The following ABHD2 variants were observed in gnomAD, a reference collection of about 807,000 sequenced individuals.
ABHD2 encodes monoacylglycerol lipase ABHD2.
A neutral mutation model predicts 48.1 loss-of-function variants in ABHD2; 20 were observed. The observed-to-expected ratio is 0.42, with a 90% CI of 0.29 to 0.60. ABHD2 has a LOEUF of 0.60. ABHD2 is among the 20% of genes least tolerant of loss of function. The pLI is 0.24. For missense variants in ABHD2, 405 were observed against 550.9 expected (o/e 0.74, Z 2.65); for synonymous variants, 209 against 214.2 (o/e 0.98, Z 0.21).
At position 89,094,936 on chromosome 15, in the gene ABHD2, C is replaced by T. The variant is rs1322873110; in HGVS notation, c.-107+6373C>T. 1.3e-5 allele frequency among the ~76,000 whole-genome samples: 2 copies of T among 151,472 alleles called. No individual in the cohort carries two copies. The highest frequency in any genetic ancestry group is 4.9e-5 in the African/African-American group (2 of 41,180). On this transcript the variant is annotated intron_variant, in intron 1 of 10. Transcript: ENST00000352732. The surrounding 1 kb of genome is among the most constrained non-coding windows in gnomAD (Gnocchi z 4.7). ...AATATTAGCCGGGCATGGTGGTTCA[C>T]ACTCAGAATCCCAGCTACTCGGGAA... is the stretch of plus-strand genomic sequence containing the variant.
the ABHD2 span, among the ~76,000 whole-genome samples, chr15:89,079,732 T>G: frequency 2.0e-5 from 3 of 152,250 alleles, no homozygotes; most frequent in Admixed American, 2.0e-4. This position sits in a 1 kb window ranked among gnomAD's most constrained non-coding sequence, Gnocchi z 4.3. Flanking sequence ...TAAGTCTCAG[T>G]AAGAACAGTG....
intron 10 of ABHD2, among the ~76,000 whole-genome samples, chr15:89,194,923 G>C (rs2051371330): frequency 6.6e-6 from 1 of 152,152 alleles, no homozygotes; most frequent in African/African-American, 2.4e-5. Flanking sequence ...TGGGGTTAAG[G>C]AGCTTTAAGA....
Position 89,093,108 on chromosome 15 carries a change from GCT to G in ABHD2, c.-107+4550_-107+4551del, listed in dbSNP as rs1901661268. Among the ~76,000 whole-genome samples the G allele has an allele frequency of 2.0e-5, 3 of 150,696 alleles. No individual in the cohort carries two copies. The South Asian group carries it at 6.3e-4, about 32-fold the overall frequency. ...CATTTCCAGGGAAAGTTTGCCGTTT[GCT>G]CTCTGTTCTCCAGAGAAGCTTCCTG... On this transcript the variant is annotated intron_variant, in intron 1 of 10. Coordinates refer to ENST00000352732, the MANE Select transcript of ABHD2 (RefSeq NM_152924.5).
intron 3 of ABHD2, among the ~76,000 whole-genome samples, chr15:89,119,459 G>A (rs1596081019): frequency 6.6e-6 from 1 of 152,116 alleles, no homozygotes; most frequent in East Asian, 1.9e-4. Context: ...ACTCTCTTTT[G>A]TCCGCGTTAC....
intron 2 of ABHD2, 60 bp downstream of exon 2, chr15:89,113,884 A>G (rs897687568): frequency 2.6e-5 from 4 of 152,186 alleles, no homozygotes; most frequent in Non-Finnish European, 2.9e-5. Flanking sequence ...GAAGCAGTGA[A>G]TAGAAGTGGG....
At chr15:89,049,912 C>T in the ABHD2 span, among the ~76,000 whole-genome samples, 4 of 152,016 alleles carry the variant, frequency 2.6e-5, no homozygotes, top group African/African-American at 7.3e-5. Flanking sequence ...CTTGGCTCCT[C>T]CCCCGTATTT....
chr15:89,069,587 T>G, the ABHD2 span, among the ~76,000 whole-genome samples: 2 of 151,872 alleles, frequency 1.3e-5, no homozygotes, highest in East Asian at 3.9e-4. Flanking sequence ...TTTTCCTAAA[T>G]AATATATTGT....
At chr15:89,161,192 A>C (rs977377302) in intron 5 of ABHD2, among the ~76,000 whole-genome samples, 9 of 151,840 alleles carry the variant, frequency 5.9e-5, no homozygotes, top group African/African-American at 1.7e-4. Flanking sequence ...TACAGGTTTT[A>C]CTCCTTGTTC....
At chr15:89,065,319 C>T in the ABHD2 span, among the ~76,000 whole-genome samples, 1 of 152,202 alleles carries the variant, frequency 6.6e-6, no homozygotes, top group Non-Finnish European at 1.5e-5. Flanking sequence ...GTCCATAGCA[C>T]ATTTTCCAGA....
rs2050658930 is a variant in ABHD2 at position 89,155,550 on chromosome 15, T to C, written c.538+16T>C. ...TTCACCTATGGTAAGCATGGCTAAGTGGAGTCCTCCCTTTTTCTGCAAGTG... is the reference window on the plus strand; with the variant it reads ...TTCACCTATGGTAAGCATGGCTAAGCGGAGTCCTCCCTTTTTCTGCAAGTG... On this transcript the variant is annotated intron_variant, in intron 5 of 10. Coordinates refer to ENST00000352732, the MANE Select transcript of ABHD2 (RefSeq NM_152924.5). This position sits in a 1 kb window ranked among gnomAD's most constrained non-coding sequence, Gnocchi z 4.9. 6.3e-7 allele frequency: 1 copy of C among 1,598,636 alleles called. No homozygotes were observed. The highest frequency in any genetic ancestry group is 8.6e-7 in the Non-Finnish European group (1 of 1,168,886).
chr15:89,098,394 T>C (rs1054153766), intron 1 of ABHD2, among the ~76,000 whole-genome samples: 2 of 152,130 alleles, frequency 1.3e-5, no homozygotes, highest in Non-Finnish European at 1.5e-5. Context: ...TTGAGCTCTT[T>C]CCCTGCTGGA....
At chr15:89,160,529 T>C (rs1479208550) in intron 5 of ABHD2, among the ~76,000 whole-genome samples, 2 of 152,120 alleles carry the variant, frequency 1.3e-5, no homozygotes, top group Non-Finnish European at 2.9e-5. Context: ...ACCAAAGAAT[T>C]ATTGTGTCCA....
the ABHD2 span, among the ~76,000 whole-genome samples, chr15:89,061,701 T>C: frequency 6.6e-6 from 1 of 152,002 alleles, no homozygotes; most frequent in Non-Finnish European, 1.5e-5. Flanking sequence ...GCCTCTCCAG[T>C]AGCTGGGACT....
the ABHD2 span, among the ~76,000 whole-genome samples, chr15:89,043,935 G>A: frequency 6.7e-6 from 1 of 150,158 alleles, no homozygotes; most frequent in African/African-American, 2.5e-5. Flanking sequence ...TAAGTTTTAG[G>A]GTACATGTGC....
chr15:89,057,054 CAGG>C, the ABHD2 span, among the ~76,000 whole-genome samples: 1 of 151,876 alleles, frequency 6.6e-6, no homozygotes, highest in Non-Finnish European at 1.5e-5. Flanking sequence ...GCTGGGATTA[CAGG>C]CACACGCCAC....
At chr15:89,089,095 G>C (rs2150764056) in intron 1 of ABHD2, among the ~76,000 whole-genome samples, 1 of 152,376 alleles carries the variant, frequency 6.6e-6, no homozygotes, top group Admixed American at 6.5e-5. Flanking sequence ...CCCCGCGACC[G>C]GCACTGTTCT....
At chr15:89,074,548 A>G in the ABHD2 span, among the ~76,000 whole-genome samples, 1 of 152,190 alleles carries the variant, frequency 6.6e-6, no homozygotes, top group Admixed American at 6.5e-5. Flanking sequence ...ACACTGAGCC[A>G]TTCTCCTTAT....
At chr15:89,068,196 G>GCACACACACA in the ABHD2 span, among the ~76,000 whole-genome samples, 52 of 149,804 alleles carry the variant, frequency 3.5e-4, no homozygotes, top group African/African-American at 1.2e-3. Context: ...ATGTGCGCGT[G>GCACACACACA]CACACACACA....
At position 89,180,909 on chromosome 15, in the gene ABHD2, A is replaced by G. The variant is rs568526587; in HGVS notation, c.723-4515A>G. Among the ~76,000 whole-genome samples the G allele has an allele frequency of 4.1e-4, 62 of 152,340 alleles. No homozygotes were observed. In the South Asian group the frequency reaches 0.012, roughly 29 times the overall value. The stretch of plus-strand genomic sequence containing the variant: ...TATTTTAAAAAATCAAGAAAAATAT[A>G]TAACACGACAGAATGTATATATTAA... On this transcript the variant is annotated intron_variant, in intron 6 of 10. Transcript: ENST00000352732.
Sources: allele counts gnomAD v4.1 joint callset (sites outside exome capture counted in the v4.1 genomes callset), GRCh38; gene constraint gnomAD v4.1.1; non-coding constraint Gnocchi (gnomAD v3.1); transcripts MANE v1.5; gene names NCBI Gene and HGNC (gene_info 2026-07-23, HGNC 2026-07-21).